The following COL11A2 variants were observed in gnomAD, a reference collection of about 807,000 sequenced individuals.
COL11A2 encodes collagen type XI alpha 2 chain.
Under a neutral mutation model 273.4 loss-of-function variants are expected in COL11A2, and 116 were observed. The ratio of observed to expected loss-of-function variants is 0.42; its 90% CI spans 0.36 to 0.49. The LOEUF (loss-of-function observed/expected upper bound fraction) is 0.49. COL11A2 is among the 20% of genes least tolerant of loss of function. The probability of loss-of-function intolerance (pLI) is 0.00; values close to 1 mark genes in which losing one functional copy is unlikely to be tolerated. For synonymous variants in COL11A2, 782 were observed against 864.2 expected (o/e 0.90, Z 1.67); for missense variants, 1,866 against 2,309.0 (o/e 0.81, Z 3.93).
Position 33,186,833 on chromosome 6 carries a change from G to A in COL11A2, c.607-15C>T. ...TGGACATCACCCTGCAAAGACATGA[G>A]AGAGATGGAGCGGAGAGATTCAGAG... On this transcript the variant is annotated splice_polypyrimidine_tract_variant and intron_variant, in intron 4 of 65. Coordinates refer to ENST00000341947, the MANE Select transcript of COL11A2 (RefSeq NM_080680.3). 6.2e-7 allele frequency: 1 copy of A among 1,613,802 alleles called. No homozygotes were observed. The highest frequency in any genetic ancestry group is 8.5e-7 in the Non-Finnish European group (1 of 1,180,022).
At position 33,170,625 on chromosome 6, in the gene COL11A2, A is replaced by C. The variant is rs1426511954; in HGVS notation, c.3475-15T>G. The C allele has an allele frequency of 1.9e-6, 3 of 1,612,548 alleles. No individual in the cohort carries two copies. Among genetic ancestry groups the C allele is most frequent in the Non-Finnish European group, 2.5e-6 (3 of 1,179,786 alleles). On this transcript the variant is annotated splice_polypyrimidine_tract_variant and intron_variant, in intron 46 of 65. Coordinates refer to ENST00000341947, the MANE Select transcript of COL11A2 (RefSeq NM_080680.3). The surrounding 1 kb of genome is among the most constrained non-coding windows in gnomAD (Gnocchi z 4.3). ...CCTGGCAAACCCTGTGCAAGTATAC[A>C]AAACATGGGCCCAGGTGACGACCCC...
chr6:33,189,130 T>C lies in COL11A2; in HGVS notation c.291A>G (p.Gln97=), dbSNP rs538869102. Reference sequence around the variant, plus strand: ...CACTGTAGAGAGTCAGGAGGGGAGCTTGGAGACCAGGGCGGGTCCGGACAA... The same window carrying C: ...CACTGTAGAGAGTCAGGAGGGGAGCCTGGAGACCAGGGCGGGTCCGGACAA... ...LTVVRTRPGL[Q]APLLTLYSAQ... is the part of the protein sequence containing the mutation. Residue 97 remains glutamine, a synonymous_variant, in exon 3 of 66, where the codon CAA becomes CAG. Coordinates refer to ENST00000341947, the MANE Select transcript of COL11A2 (RefSeq NM_080680.3). This position sits in a 1 kb window ranked among gnomAD's most constrained non-coding sequence, Gnocchi z 5.6. 3.5e-5 allele frequency: 57 copies of C among 1,613,988 alleles called. 1 individual carries two copies. In the African/African-American group the frequency reaches 5.5e-4, roughly 15 times the overall value.
In COL11A2 at chr6:33,178,309, G is replaced by A. The variant is rs147328015; in HGVS notation, c.1817C>T (p.Ser606Leu). The change falls in exon 20 of 66, where the codon TCG becomes TTG. Residue 606 changes from serine (S) to leucine (L), a missense_variant and splice_region_variant. Transcript: ENST00000341947. The surrounding 1 kb of genome is among the most constrained non-coding windows in gnomAD (Gnocchi z 4.6). ...CAGCACCAGCCCTTGGACACTCACCGACTCTCCAGGCAGCCCTCGAGGCCC... is the reference window on the plus strand; with the variant it reads ...CAGCACCAGCCCTTGGACACTCACCAACTCTCCAGGCAGCCCTCGAGGCCC... Reference protein sequence around the residue: ...EIGPRGLPGESGPRGLLGPKG... With the variant: ...EIGPRGLPGELGPRGLLGPKG... 3.1e-5 allele frequency: 50 copies of A among 1,612,512 alleles called. No individual in the cohort carries two copies. The highest frequency in any genetic ancestry group is 1.9e-4 in the African/African-American group (14 of 74,796).
Position 33,189,886 on chromosome 6 carries a change from C to G in COL11A2, c.83-417G>C, listed in dbSNP as rs1343049821. Among the ~76,000 whole-genome samples the G allele has an allele frequency of 1.3e-5, 2 of 152,152 alleles. No individual in the cohort carries two copies. The highest frequency in any genetic ancestry group is 4.8e-5 in the African/African-American group (2 of 41,428). ...GTCTCTTCTGTCTTCCTCCATTTCTCTCACATTCTGTCCATCTTTTTCTCT... is the reference window on the plus strand; with the variant it reads ...GTCTCTTCTGTCTTCCTCCATTTCTGTCACATTCTGTCCATCTTTTTCTCT... On this transcript the variant is annotated intron_variant, in intron 1 of 65. Transcript: ENST00000341947. This position sits in a 1 kb window ranked among gnomAD's most constrained non-coding sequence, Gnocchi z 5.6.
At position 33,174,574 on chromosome 6, in the gene COL11A2, G is replaced by A; in HGVS notation, c.2383C>T (p.Leu795=). 2 of 1,612,382 alleles carry A rather than the reference G, an allele frequency of 1.2e-6. No individual in the cohort carries two copies. The highest frequency in any genetic ancestry group is 1.7e-6 in the Non-Finnish European group (2 of 1,179,932). The change falls in exon 31 of 66, where the codon CTG becomes TTG. Residue 795 remains leucine, a synonymous_variant. Coordinates refer to ENST00000341947, the MANE Select transcript of COL11A2 (RefSeq NM_080680.3). ...TAGCCAGGCAGACCAGGAACACCCAGCTTGCCCTGTGGAGGGACAGGAAGC... is the reference window on the plus strand; with the variant it reads ...TAGCCAGGCAGACCAGGAACACCCAACTTGCCCTGTGGAGGGACAGGAAGC... ...PPGLMGEKGK[L]GVPGLPGYPG...
At chr6:33,171,939 C>T (rs1021978292) in intron 41 of COL11A2, 111 bp downstream of exon 41, 1 of 1,534,358 alleles carries the variant, frequency 6.5e-7, no homozygotes, top group African/African-American at 1.4e-5. Context: ...TGTCCCTGGA[C>T]AGCCTCTGCC....
intron 8 of COL11A2, 108 bp downstream of exon 8, chr6:33,184,037 A>G: frequency 2.1e-6 from 2 of 971,740 alleles, no homozygotes; most frequent in Non-Finnish European, 3.0e-6. Flanking sequence ...GACAAGTCAC[A>G]GATGGGAAAT....
At position 33,164,905 on chromosome 6, in the gene COL11A2, T is replaced by G. The variant is rs1477776540; in HGVS notation, c.4810A>C (p.Asn1604His). ...CAGGTCTCACCCCCTGCTGTGAAGT[T>G]GCAGAAAACTCGGAAGGCATCCCGA... ...CARDAFRVFC[N>H]FTAGGETCVT... Residue 1604 changes from asparagine to histidine, a missense_variant, in exon 64 of 66, where the codon AAC (asparagine) becomes CAC (histidine). Asn to His is a moderately conservative substitution (Grantham distance 68). Coordinates refer to ENST00000341947, the MANE Select transcript of COL11A2 (RefSeq NM_080680.3). The surrounding 1 kb of genome is among the most constrained non-coding windows in gnomAD (Gnocchi z 4.7). 2 of 1,580,322 alleles carry G rather than the reference T, an allele frequency of 1.3e-6. No individual in the cohort carries two copies. Among genetic ancestry groups the G allele is most frequent in the Non-Finnish European group, 1.7e-6 (2 of 1,161,892 alleles).
chr6:33,174,770 A>C (rs941453655), intron 30 of COL11A2, among the ~76,000 whole-genome samples, 190 bp from the exon 31 acceptor site: 3 of 150,552 alleles, frequency 2.0e-5, no homozygotes, highest in African/African-American at 7.4e-5. Flanking sequence ...CCGTGAGTGG[A>C]TTTTCCCCAA....
At position 33,165,875 on chromosome 6, in the gene COL11A2, G is replaced by A. The variant is rs1769055129; in HGVS notation, c.4482+56C>T. 1.2e-6 allele frequency: 2 copies of A among 1,613,700 alleles called. No homozygotes were observed. Among genetic ancestry groups the A allele is most frequent in the Non-Finnish European group, 8.5e-7 (1 of 1,179,960 alleles). On this transcript the variant is annotated intron_variant, in intron 62 of 65. Coordinates refer to ENST00000341947, the MANE Select transcript of COL11A2 (RefSeq NM_080680.3). This position sits in a 1 kb window ranked among gnomAD's most constrained non-coding sequence, Gnocchi z 7.7. ...CAAGGTTGGTGTGAGGGTGAAGTGT[G>A]GCAGCAGTGGAGCAGAGGGGTACGG...
In COL11A2 at chr6:33,176,206, A is replaced by G. The variant is rs896390246; in HGVS notation, c.2214+53T>C. The G allele has an allele frequency of 1.9e-6, 3 of 1,606,762 alleles. No homozygotes were observed. The highest frequency in any genetic ancestry group is 2.6e-6 in the Non-Finnish European group (3 of 1,175,234). Reference sequence around the variant, plus strand: ...GGGCAGGCTGGAGGGAAGGCAGTGAAGAGAGGAGATGGCAGGACTGAGGTG... The same window carrying G: ...GGGCAGGCTGGAGGGAAGGCAGTGAGGAGAGGAGATGGCAGGACTGAGGTG... On this transcript the variant is annotated intron_variant, in intron 28 of 65. Coordinates refer to ENST00000341947, the MANE Select transcript of COL11A2 (RefSeq NM_080680.3). The surrounding 1 kb of genome is among the most constrained non-coding windows in gnomAD (Gnocchi z 4.9).
chr6:33,191,000 T>C lies in COL11A2; in HGVS notation c.82+1159A>G, dbSNP rs1216962938. 1.3e-5 allele frequency among the ~76,000 whole-genome samples: 2 copies of C among 152,144 alleles called. No individual in the cohort carries two copies. The highest frequency in any genetic ancestry group is 4.8e-5 in the African/African-American group (2 of 41,408). On this transcript the variant is annotated intron_variant, in intron 1 of 65. Transcript: ENST00000341947. This position sits in a 1 kb window ranked among gnomAD's most constrained non-coding sequence, Gnocchi z 4.5. ...CCATTACCCTCCACCACTCTACCTC[T>C]GGCCCCCCAAATGCCTTATTCTCTA...
At position 33,169,516 on chromosome 6, in the gene COL11A2, T is replaced by C. The variant is rs771910481; in HGVS notation, c.3691-26A>G. ...CTGCAGAACAAGCGGAGGACACAGATGGCCCAGGGAATCTTGAAGATCAGG... is the reference window on the plus strand; with the variant it reads ...CTGCAGAACAAGCGGAGGACACAGACGGCCCAGGGAATCTTGAAGATCAGG... On this transcript the variant is annotated intron_variant, in intron 50 of 65. Coordinates refer to ENST00000341947, the MANE Select transcript of COL11A2 (RefSeq NM_080680.3). The surrounding 1 kb of genome is among the most constrained non-coding windows in gnomAD (Gnocchi z 5.5). 3 of 1,605,470 alleles carry C rather than the reference T, an allele frequency of 1.9e-6. No individual in the cohort carries two copies. The highest frequency in any genetic ancestry group is 2.6e-6 in the Non-Finnish European group (3 of 1,173,700).
rs375337409 is a variant in COL11A2 at position 33,165,993 on chromosome 6, G to A, written c.4429-9C>T. ...TTGGGTCCGCCTGGGCCCTGACAAG[G>A]AATAAATCAGGTCATGGAGGGGTCA... On this transcript the variant is annotated splice_polypyrimidine_tract_variant and intron_variant, in intron 61 of 65. Transcript: ENST00000341947. This position sits in a 1 kb window ranked among gnomAD's most constrained non-coding sequence, Gnocchi z 7.7. The A allele has an allele frequency of 6.2e-7, 1 of 1,614,022 alleles. No individual in the cohort carries two copies. Among genetic ancestry groups the A allele is most frequent in the Non-Finnish European group, 8.5e-7 (1 of 1,180,006 alleles).
chr6:33,168,499 CA>C lies in COL11A2; in HGVS notation c.3960+19del, dbSNP rs1769521982. ...GCCCAGGGACTGCCTCCCAAGGTCT[CA>C]GGGGTCCACCTCACTTACTCGCTTT... is the stretch of plus-strand genomic sequence containing the variant. On this transcript the variant is annotated intron_variant, in intron 54 of 65. Transcript: ENST00000341947. The C allele has an allele frequency of 6.2e-7, 1 of 1,613,348 alleles. No individual in the cohort carries two copies. The highest frequency in any genetic ancestry group is 8.5e-7 in the Non-Finnish European group (1 of 1,179,842).
rs372800572 is a variant in COL11A2 at position 33,178,406 on chromosome 6, C to T, written c.1773+29G>A. On this transcript the variant is annotated intron_variant, in intron 19 of 65. Transcript: ENST00000341947. The surrounding 1 kb of genome is among the most constrained non-coding windows in gnomAD (Gnocchi z 4.6). ...TGTGCCTTCTAGACCTCCCCTGCACCCAGCCCCTACATTTGCCACTACACT... is the reference window on the plus strand; with the variant it reads ...TGTGCCTTCTAGACCTCCCCTGCACTCAGCCCCTACATTTGCCACTACACT... The T allele has an allele frequency of 4.0e-4, 651 of 1,612,934 alleles. 1 individual carries two copies. Among genetic ancestry groups the T allele is most frequent in the Non-Finnish European group, 4.6e-4 (544 of 1,179,982 alleles).
At position 33,164,402 on chromosome 6, in the gene COL11A2, G is replaced by A. The variant is rs1433307223; in HGVS notation, c.4935C>T (p.Val1645=). 2 of 1,605,214 alleles carry A rather than the reference G, an allele frequency of 1.2e-6. No homozygotes were observed. Among genetic ancestry groups the A allele is most frequent in the East Asian group, 4.5e-5 (2 of 44,588 alleles). ...VQLTFLRLLS[V]SAHQDVSYPC... is the part of the protein sequence containing the mutation. ...GGTAGGAGACGTCCTGGTGGGCTGA[G>A]ACGCTGAGCAGCCGCAGGAAGGTGA... Residue 1645 remains valine (V), a synonymous_variant, in exon 65 of 66, where the codon GTC becomes GTT. Coordinates refer to ENST00000341947, the MANE Select transcript of COL11A2 (RefSeq NM_080680.3). This position sits in a 1 kb window ranked among gnomAD's most constrained non-coding sequence, Gnocchi z 4.7.
At chr6:33,184,095 T>C in intron 8 of COL11A2, 50 bp downstream of exon 8, 3 of 1,356,398 alleles carry the variant, frequency 2.2e-6, no homozygotes, top group Non-Finnish European at 3.0e-6. Flanking sequence ...AAGCAATTCT[T>C]GTAGCTCCCA....
chr6:33,192,480 C>G (rs1583396104), upstream of COL11A2: 1 of 567,530 alleles, frequency 1.8e-6, no homozygotes, highest in South Asian at 2.1e-5. Context: ...CCCCGGCCAC[C>G]CTGGCGCCCA....
Sources: gnomAD v4.1 joint callset for allele counts (sites outside exome capture counted in the v4.1 genomes callset) on GRCh38, gnomAD v4.1.1 for gene constraint, Gnocchi (gnomAD v3.1) non-coding constraint, MANE v1.5 for transcripts, NCBI Gene and HGNC (gene_info 2026-07-23, HGNC 2026-07-21) for gene names.